ACACB: variants seen among roughly 807,000 people sequenced by gnomAD.
The protein encoded by ACACB is acetyl-CoA carboxylase 2.
A neutral mutation model predicts 278.8 loss-of-function variants in ACACB; 209 were observed. That is an observed-to-expected ratio of 0.75 (90% CI 0.67 to 0.84). The LOEUF is 0.84. Ranked by LOEUF, ACACB falls within the 40% of genes least tolerant of loss-of-function variation. ACACB has a pLI of 0.00. For missense variants in ACACB, 2,850 were observed against 3,269.0 expected, an observed-to-expected ratio of 0.87 and a Z score of 3.13; for synonymous variants, 1,174 against 1,285.6, an observed-to-expected ratio of 0.91 and a Z score of 1.86.
intron 12 of ACACB, among the ~76,000 whole-genome samples, chr12:109,187,431 TTTTA>T (rs59491550): frequency 0.13 from 18,435 of 146,156 alleles, 1,543 homozygotes; most frequent in African/African-American, 0.24. Context: ...AACTCGCTTA[TTTTA>T]TTTATTTATT....
intron 47 of ACACB, 76 bp downstream of exon 47, chr12:109,259,184 C>G: frequency 1.3e-6 from 2 of 1,532,502 alleles, no homozygotes; most frequent in Non-Finnish European, 1.8e-6. Context: ...GGTGGTGATG[C>G]TAATGTCCTA....
intron 1 of ACACB, among the ~76,000 whole-genome samples, chr12:109,138,660 C>A (rs1248246869): frequency 6.6e-6 from 1 of 151,906 alleles, no homozygotes; most frequent in East Asian, 1.9e-4. Flanking sequence ...AGTTAGAGAG[C>A]AACCTGGTCA....
chr12:109,189,535 A>G (rs2044787061), intron 13 of ACACB, among the ~76,000 whole-genome samples: 1 of 152,182 alleles, frequency 6.6e-6, no homozygotes, highest in Non-Finnish European at 1.5e-5. Context: ...AGAGTCCAGT[A>G]GGGGGATCAA....
chr12:109,262,983 T>TATATATATATATA (rs1491252356), intron 49 of ACACB: 205 of 134,746 alleles, frequency 1.5e-3, no homozygotes, highest in Middle Eastern at 3.7e-3. Context: ...TATATATATA[T>TATATATATATATA]TGCCATCGTG....
At chr12:109,232,397 C>T (rs1465600335) in intron 28 of ACACB, among the ~76,000 whole-genome samples, 1 of 152,122 alleles carries the variant, frequency 6.6e-6, no homozygotes, top group African/African-American at 2.4e-5. Context: ...CTTGGGGCTC[C>T]CCTCGGGACT....
In ACACB at chr12:109,234,038, A is replaced by G; in HGVS notation, c.4340A>G (p.Gln1447Arg). ...ALVPILRTFV[Q>R]SKKNILVDYG... is the part of the protein sequence containing the mutation. ...GTGCCGATTTTACGGACATTCGTAC[A>G]GTCCAAGGTACTCTGGGCGTGCCTC... is the stretch of plus-strand genomic sequence containing the variant. Residue 1447 changes from glutamine to arginine, a missense_variant, in exon 31 of 53, where the codon CAG becomes CGG. Gln to Arg is a conservative substitution (Grantham distance 43). This residue lies in a region of ACACB where 2,265 missense variants were observed against 2,561.3 expected (regional missense o/e 0.88). Transcript: ENST00000338432. 6.2e-7 allele frequency: 1 copy of G among 1,608,988 alleles called. No homozygotes were observed. Among genetic ancestry groups the G allele is most frequent in the Non-Finnish European group, 8.5e-7 (1 of 1,176,654 alleles).
chr12:109,257,141 G>A (rs977424067), intron 45 of ACACB, among the ~76,000 whole-genome samples: 19 of 152,182 alleles, frequency 1.2e-4, no homozygotes, highest in Admixed American at 1.1e-3. Flanking sequence ...GGGCGTGGTG[G>A]CAGGCACCTG....
At chr12:109,174,309 A>G in intron 7 of ACACB, 79 bp downstream of exon 7, 1 of 1,112,176 alleles carries the variant, frequency 9.0e-7, no homozygotes, top group Non-Finnish European at 1.3e-6. Context: ...TGACAGAAGT[A>G]TGCTTGTAAC....
At chr12:109,154,642 G>GGCGGGCGCGATGGC (rs1409302266) in intron 2 of ACACB, 3 of 152,260 alleles carry the variant, frequency 2.0e-5, no homozygotes, top group Non-Finnish European at 4.4e-5. Flanking sequence ...GTGGGGCCTA[G>GGCGGGCGCGATGGC]GCGGGCGCGA....
chr12:109,179,389 G>A (rs1205709178), intron 10 of ACACB, 92 bp downstream of exon 10: 1 of 1,329,870 alleles, frequency 7.5e-7, no homozygotes, highest in Non-Finnish European at 1.0e-6. Flanking sequence ...TGGCTGAATG[G>A]TGGCATGGGT....
At chr12:109,258,493 G>A (rs566906004) in intron 46 of ACACB, 129 bp downstream of exon 46, 10 of 664,234 alleles carry the variant, frequency 1.5e-5, no homozygotes, top group Non-Finnish European at 2.0e-5. Context: ...TGCAGTCCCT[G>A]GCCCTGGGGG....
chr12:109,131,775 G>A (rs1187757253), intron 1 of ACACB, among the ~76,000 whole-genome samples: 1 of 152,186 alleles, frequency 6.6e-6, no homozygotes, highest in Non-Finnish European at 1.5e-5. Flanking sequence ...GGTCCGCTGG[G>A]TTATTTCAGC....
At chr12:109,160,182 G>T (rs1340701126) in intron 2 of ACACB, among the ~76,000 whole-genome samples, 1 of 151,716 alleles carries the variant, frequency 6.6e-6, no homozygotes, top group Non-Finnish European at 1.5e-5. Context: ...GGCCATATGT[G>T]TAATGCATGT....
At chr12:109,254,168 T>G (rs144499105) in intron 43 of ACACB, 46 bp from the exon 44 acceptor site, 1 of 1,610,096 alleles carries the variant, frequency 6.2e-7, no homozygotes, top group African/African-American at 1.3e-5. Flanking sequence ...GAGGTATTAT[T>G]GACAAGCACC....
At chr12:109,127,436 CA>C (rs1484841806) in intron 1 of ACACB, among the ~76,000 whole-genome samples, 1 of 151,096 alleles carries the variant, frequency 6.6e-6, no homozygotes, top group Non-Finnish European at 1.5e-5. Flanking sequence ...AAAAAAAACC[CA>C]AAAAACCAAA....
Position 109,179,409 on chromosome 12 carries a change from G to A in ACACB, c.1647+112G>A, listed in dbSNP as rs1337922965. Reference sequence around the variant, plus strand: ...GAATGGTGGCATGGGTGCCTAACAAGAGGGATGAGGGCCCATTCCAGAGGT... The same window carrying A: ...GAATGGTGGCATGGGTGCCTAACAAAAGGGATGAGGGCCCATTCCAGAGGT... On this transcript the variant is annotated intron_variant, in intron 10 of 52. Coordinates refer to ENST00000338432, the MANE Select transcript of ACACB (RefSeq NM_001093.4). 19 of 1,111,536 alleles carry A rather than the reference G, an allele frequency of 1.7e-5. No homozygotes were observed. In the Admixed American group the frequency reaches 1.8e-4, roughly 11 times the overall value. The allele number at this position is 1,111,536 out of a possible 1,614,324, so 68.9% of individuals were successfully genotyped here.
At chr12:109,227,333 G>A in intron 27 of ACACB, 38 bp from the exon 28 acceptor site, 1 of 1,567,032 alleles carries the variant, frequency 6.4e-7, no homozygotes, top group South Asian at 1.1e-5. Flanking sequence ...CTCTGCAGTG[G>A]CCCCTGAGAG....
At chr12:109,254,722 TTCTCTCTTACAA>T in intron 44 of ACACB, among the ~76,000 whole-genome samples, 1 of 152,082 alleles carries the variant, frequency 6.6e-6, no homozygotes, top group Non-Finnish European at 1.5e-5. Context: ...TTCTCTTTCT[TTCTCTCTTACAA>T]AGGAACTCTG....
At chr12:109,137,930 A>AGAG (rs1005083499) in intron 1 of ACACB, among the ~76,000 whole-genome samples, 2 of 147,288 alleles carry the variant, frequency 1.4e-5, no homozygotes, top group African/African-American at 5.0e-5. Context: ...ACCAAGTCTC[A>AGAG]CTCTGTTGCC....
Sources: allele counts gnomAD v4.1 joint callset (sites outside exome capture counted in the v4.1 genomes callset), GRCh38; gene constraint gnomAD v4.1.1; regional missense constraint gnomAD v4.1.1; transcripts MANE v1.5; gene names NCBI Gene and HGNC (gene_info 2026-07-23, HGNC 2026-07-21).